CRPPA: variants seen among roughly 807,000 people sequenced by gnomAD.
CRPPA encodes CDP-L-ribitol pyrophosphorylase A.
In CRPPA, 43 loss-of-function variants were observed where a neutral mutation model predicts 52.0. The observed-to-expected ratio is 0.83, with a 90% CI of 0.65 to 1.07. The LOEUF is 1.07. CRPPA is among the 50% of genes least tolerant of loss of function. The probability of loss-of-function intolerance (pLI) is 0.00; values close to 1 mark genes in which losing one functional copy is unlikely to be tolerated. For missense variants in CRPPA, 629 were observed against 551.7 expected (o/e 1.14, Z -1.40); for synonymous variants, 250 against 203.5 (o/e 1.23, Z -1.94).
intron 9 of CRPPA, among the ~76,000 whole-genome samples, chr7:16,136,146 G>C (rs533286528): frequency 1.6e-4 from 24 of 152,236 alleles, no homozygotes; most frequent in Middle Eastern, 3.4e-3. Context: ...TGGAAGAGTA[G>C]ATGAAATGCA....
At chr7:16,194,535 A>G (rs1781687699) in intron 9 of CRPPA, among the ~76,000 whole-genome samples, 2 of 152,170 alleles carry the variant, frequency 1.3e-5, no homozygotes, top group Non-Finnish European at 2.9e-5. Flanking sequence ...TGTATCGGAA[A>G]AGAGAAAACC....
At chr7:16,401,969 G>C (rs1787827381) in intron 2 of CRPPA, among the ~76,000 whole-genome samples, 1 of 152,164 alleles carries the variant, frequency 6.6e-6, no homozygotes, top group African/African-American at 2.4e-5. Context: ...AGCAATCAGA[G>C]AAATAAGATG....
chr7:16,415,259 T>C (rs1007702310), intron 1 of CRPPA, among the ~76,000 whole-genome samples: 1 of 152,234 alleles, frequency 6.6e-6, no homozygotes, highest in Admixed American at 6.5e-5. Context: ...TTTCTTTCAA[T>C]GTCTCCTCCA....
chr7:16,185,615 T>A (rs1007974591), intron 9 of CRPPA, among the ~76,000 whole-genome samples: 24 of 152,236 alleles, frequency 1.6e-4, no homozygotes, highest in Non-Finnish European at 3.2e-4. Flanking sequence ...TTCTTTAGTT[T>A]TGTCTGAAGT....
intron 3 of CRPPA, among the ~76,000 whole-genome samples, chr7:16,372,992 C>T (rs894371612): frequency 6.6e-6 from 1 of 152,112 alleles, no homozygotes; most frequent in Non-Finnish European, 1.5e-5. Flanking sequence ...TTGCTACAGA[C>T]CTCAATAGAG....
chr7:16,132,875 G>A lies in CRPPA; in HGVS notation c.1252-41076C>T, dbSNP rs763007670. On this transcript the variant is annotated intron_variant, in intron 9 of 9. Transcript: ENST00000407010. Reference sequence around the variant, plus strand: ...AATCTATTGTAAAAAGTTAATATTTGGCTGGGCATGGTGGTTCATGCCTGA... The same window carrying A: ...AATCTATTGTAAAAAGTTAATATTTAGCTGGGCATGGTGGTTCATGCCTGA... Among the ~76,000 whole-genome samples the A allele has an allele frequency of 3.2e-5, 4 of 124,176 alleles. 1 individual carries two copies. The highest frequency in any genetic ancestry group is 7.3e-5 in the Non-Finnish European group (4 of 54,672). The allele number at this position is 124,176 out of a possible 152,430, so 81.5% of individuals were successfully genotyped here. A position where few individuals can be genotyped will look rare whatever the true frequency, so the allele number is the denominator to read the frequency against.
chr7:16,382,976 C>T (rs1287624103), intron 2 of CRPPA, among the ~76,000 whole-genome samples: 1 of 152,200 alleles, frequency 6.6e-6, no homozygotes, highest in South Asian at 2.1e-4. Flanking sequence ...TCATCTGAAG[C>T]CTTCTTCTCT....
intron 3 of CRPPA, among the ~76,000 whole-genome samples, chr7:16,345,436 C>A (rs1034633928): frequency 1.3e-5 from 2 of 152,088 alleles, no homozygotes; most frequent in Non-Finnish European, 2.9e-5. Context: ...AGCACATATA[C>A]AAATAAGTAA....
chr7:16,248,380 A>G (rs1034167790), intron 8 of CRPPA, among the ~76,000 whole-genome samples: 21 of 152,190 alleles, frequency 1.4e-4, no homozygotes, highest in African/African-American at 3.1e-4. Flanking sequence ...GTCTTTGTGC[A>G]TTTGGTGGAG....
At chr7:16,359,887 C>T (rs1786397247) in intron 3 of CRPPA, among the ~76,000 whole-genome samples, 1 of 152,138 alleles carries the variant, frequency 6.6e-6, no homozygotes, top group Non-Finnish European at 1.5e-5. Context: ...AGCCTTTTTA[C>T]CCCAGAATCC....
chr7:16,109,054 G>GCA (rs1292027325), intron 9 of CRPPA, among the ~76,000 whole-genome samples: 1 of 151,654 alleles, frequency 6.6e-6, no homozygotes, highest in Non-Finnish European at 1.5e-5. Context: ...CCTTAAGTTA[G>GCA]CAGAAAAAAA....
At chr7:16,224,807 A>C (rs911092522) in intron 8 of CRPPA, among the ~76,000 whole-genome samples, 12 of 152,194 alleles carry the variant, frequency 7.9e-5, no homozygotes, top group Non-Finnish European at 5.9e-5. Context: ...ATCTTATTTC[A>C]ACTATTTAAG....
chr7:16,393,103 G>A, intron 2 of CRPPA, among the ~76,000 whole-genome samples: 1 of 152,074 alleles, frequency 6.6e-6, no homozygotes, highest in East Asian at 1.9e-4. Context: ...AAAATATTGG[G>A]GGTGGAGAGC....
chr7:16,397,343 A>G (rs538904488), intron 2 of CRPPA, among the ~76,000 whole-genome samples: 5 of 152,362 alleles, frequency 3.3e-5, no homozygotes, highest in Admixed American at 1.3e-4. Flanking sequence ...CATGACCAAC[A>G]TGTGTTACAG....
intron 9 of CRPPA, among the ~76,000 whole-genome samples, chr7:16,177,146 G>A (rs1012455581): frequency 1.3e-5 from 2 of 152,058 alleles, no homozygotes; most frequent in Non-Finnish European, 2.9e-5. Flanking sequence ...CAGGCTTTAG[G>A]GGTGGGGAGA....
chr7:16,327,184 A>C (rs1489432656), intron 3 of CRPPA, among the ~76,000 whole-genome samples: 1 of 152,286 alleles, frequency 6.6e-6, no homozygotes, highest in African/African-American at 2.4e-5. Flanking sequence ...AGATATCTTC[A>C]ACTCACTCCA....
chr7:16,420,611 C>A (rs1788304271), intron 1 of CRPPA, among the ~76,000 whole-genome samples: 1 of 152,220 alleles, frequency 6.6e-6, no homozygotes, highest in Non-Finnish European at 1.5e-5. Flanking sequence ...GCCTGTCTCA[C>A]AGAAGGTGCT....
At chr7:16,261,965 T>C (rs2128413348) in intron 6 of CRPPA, 1 of 152,212 alleles carries the variant, frequency 6.6e-6, no homozygotes, top group African/African-American at 2.4e-5. Flanking sequence ...TTGTAGATAA[T>C]CCTCCATTAT....
intron 3 of CRPPA, among the ~76,000 whole-genome samples, chr7:16,316,894 C>T (rs1785155761): frequency 6.6e-6 from 1 of 151,996 alleles, no homozygotes; most frequent in South Asian, 2.1e-4. Context: ...AAAATCTAAA[C>T]ACCCGATTGT....
Sources: gnomAD v4.1 joint callset for allele counts (sites outside exome capture counted in the v4.1 genomes callset) on GRCh38, gnomAD v4.1.1 for gene constraint, MANE v1.5 for transcripts, NCBI Gene and HGNC (gene_info 2026-07-23, HGNC 2026-07-21) for gene names.